Variants in FLNC observed in about 807,000 individuals in gnomAD.
FLNC encodes filamin-C.
In FLNC, 91 loss-of-function variants were observed where a neutral mutation model predicts 254.3. That is an observed-to-expected ratio of 0.36 (90% CI 0.30 to 0.43). The LOEUF is 0.43. Ranked by LOEUF, FLNC falls within the 20% of genes least tolerant of loss-of-function variation. The pLI, the probability that FLNC is intolerant of heterozygous loss-of-function variation, is 1.00. For synonymous variants in FLNC, 1,430 were observed against 1,577.2 expected, an observed-to-expected ratio of 0.91 and a Z score of 2.21; for missense variants, 2,853 against 3,802.6, an observed-to-expected ratio of 0.75 and a Z score of 6.57.
In FLNC at chr7:128,852,744, G is replaced by A. The variant is rs1346364708; in HGVS notation, c.5996G>A (p.Arg1999Gln). The change falls in exon 36 of 48, where the codon CGG becomes CAG. Residue 1999 changes from arginine to glutamine, a missense_variant. Transcript: ENST00000325888. Reference sequence around the variant, plus strand: ...TGCCTGCTGAAGCGCCTGCCCAACCGGCACATTGGTGAGCGTGGGGCCTCA... The same window carrying A: ...TGCCTGCTGAAGCGCCTGCCCAACCAGCACATTGGTGAGCGTGGGGCCTCA... Reference protein sequence around the residue: ...EPCLLKRLPNRHIGISFTPKE... With the variant: ...EPCLLKRLPNQHIGISFTPKE... 1.9e-5 allele frequency: 30 copies of A among 1,612,960 alleles called. No homozygotes were observed. Among genetic ancestry groups the A allele is most frequent in the Non-Finnish European group, 2.5e-5 (29 of 1,179,664 alleles).
Position 128,843,210 on chromosome 7 carries a change from G to A in FLNC, c.2551-19G>A. 6.4e-7 allele frequency: 1 copy of A among 1,574,086 alleles called. No individual in the cohort carries two copies. Among genetic ancestry groups the A allele is most frequent in the African/African-American group, 1.3e-5 (1 of 74,192 alleles). On this transcript the variant is annotated intron_variant, in intron 16 of 47. Coordinates refer to ENST00000325888, the MANE Select transcript of FLNC (RefSeq NM_001458.5). ...TGTGTTCCCCTCGAGAGCCCTGACT[G>A]AGCCTCCTCCACATCCAGGAGATCC...
At position 128,830,480 on chromosome 7, in the gene FLNC, G is replaced by A. The variant is rs1255307022; in HGVS notation, c.-158G>A. On this transcript the variant is annotated 5_prime_UTR_variant, in exon 1 of 48. Transcript: ENST00000325888. ...CGGCCGAGCGCCTAGGAGGCCCGCC[G>A]AGCCTCGCCGAGCCCCGCCAGCCCC... 3.1e-6 allele frequency: 2 copies of A among 651,678 alleles called. No individual in the cohort carries two copies. The highest frequency in any genetic ancestry group is 5.8e-5 in the Admixed American group (2 of 34,768). 40.4% of individuals were successfully genotyped at this position (651,678 alleles called of 1,614,324 possible).
chr7:128,852,475 A>T, intron 35 of FLNC, 116 bp from the exon 36 acceptor site: 3 of 1,192,078 alleles, frequency 2.5e-6, no homozygotes, highest in Non-Finnish European at 3.7e-6. Flanking sequence ...TGCACCTGGG[A>T]GTGGCCCCCC....
In FLNC at chr7:128,858,452, G is replaced by A; in HGVS notation, c.8107G>A (p.Asp2703Asn). 1.2e-6 allele frequency: 2 copies of A among 1,613,788 alleles called. No individual in the cohort carries two copies. The highest frequency in any genetic ancestry group is 1.7e-6 in the Non-Finnish European group (2 of 1,179,908). The change falls in exon 48 of 48, where the codon GAC becomes AAC. Residue 2703 changes from aspartate (D) to asparagine (N), a missense_variant. By Grantham distance (23) the Asp-to-Asn change is conservative (BLOSUM62 1). Around this residue, in one of 10 missense-constraint regions of FLNC, gnomAD observed 197 missense variants for 351.5 expected, o/e 0.56. Transcript: ENST00000325888. The surrounding 1 kb of genome is among the most constrained non-coding windows in gnomAD (Gnocchi z 6.7). ...CACCTACACTGTCAAGGAGAAAGGGGACTACATCCTCATTGTCAAGTGGGG... is the reference window on the plus strand; with the variant it reads ...CACCTACACTGTCAAGGAGAAAGGGAACTACATCCTCATTGTCAAGTGGGG... ...NVTYTVKEKG[D>N]YILIVKWGDE...
In FLNC at chr7:128,841,505, C is replaced by T. The variant is rs1171609113; in HGVS notation, c.2059C>T (p.Pro687Ser). ...GCCTACCGGCTGCATCGTGGACAAG[C>T]CCGCTGAGTTCACCATTGATGCTCG... ...LEPTGCIVDKPAEFTIDARAA... is the reference protein window; with the variant it reads ...LEPTGCIVDKSAEFTIDARAA... The change falls in exon 13 of 48, where the codon CCC becomes TCC. Residue 687 changes from proline (P) to serine (S), a missense_variant. Physicochemically the swap from Pro to Ser is moderately conservative, Grantham distance 74. Transcript: ENST00000325888. The surrounding 1 kb of genome is among the most constrained non-coding windows in gnomAD (Gnocchi z 4.3). 1.9e-6 allele frequency: 3 copies of T among 1,614,074 alleles called. No individual in the cohort carries two copies. Among genetic ancestry groups the T allele is most frequent in the East Asian group, 4.5e-5 (2 of 44,900 alleles).
chr7:128,852,915 T>C lies in FLNC; in HGVS notation c.6092T>C (p.Ile2031Thr), dbSNP rs1808883551. The change falls in exon 37 of 48, where the codon ATC becomes ACC. Residue 2031 changes from isoleucine (I) to threonine (T), a missense_variant. Transcript: ENST00000325888. ...GKHVTNSPFK[I>T]LVGPSEIGDA... ...CATGTCACCAACAGCCCCTTCAAGA[T>C]CCTGGTGGGGCCATCTGAGATCGGG... The C allele has an allele frequency of 6.2e-7, 1 of 1,613,470 alleles. No homozygotes were observed. The highest frequency in any genetic ancestry group is 1.3e-5 in the African/African-American group (1 of 74,884).
chr7:128,850,336 C>T, intron 31 of FLNC, 48 bp from the exon 32 acceptor site: 1 of 1,491,696 alleles, frequency 6.7e-7, no homozygotes, highest in East Asian at 2.3e-5. Context: ...ATGGGTCAAA[C>T]TCCTGGGCCT....
In FLNC at chr7:128,855,224, C is replaced by T; in HGVS notation, c.7161C>T (p.Phe2387=). 1 of 1,613,070 alleles carries T rather than the reference C, an allele frequency of 6.2e-7. No individual in the cohort carries two copies. The highest frequency in any genetic ancestry group is 1.1e-5 in the South Asian group (1 of 91,048). Residue 2387 remains phenylalanine, a synonymous_variant, in exon 43 of 48, where the codon TTC becomes TTT. Coordinates refer to ENST00000325888, the MANE Select transcript of FLNC (RefSeq NM_001458.5). ...GTGACTATGAGGTCTCCATCAAGTT[C>T]AATGATGAGCACATCCCAGACAGCC... ...EPGDYEVSIK[F]NDEHIPDSPF...
At chr7:128,848,523 GCCA>G in intron 26 of FLNC, 35 bp from the exon 27 acceptor site, 1 of 1,608,662 alleles carries the variant, frequency 6.2e-7, no homozygotes, top group South Asian at 1.1e-5. Context: ...CCCCGTCCAT[GCCA>G]CCCAGCCAAC....
At position 128,853,486 on chromosome 7, in the gene FLNC, C is replaced by T. The variant is rs756921919; in HGVS notation, c.6226C>T (p.Leu2076=). ...TCCCCCAGGTTATGGGGGCTTGGGGCTGAGTATTGAAGGCCCAAGCAAGGT... is the reference window on the plus strand; with the variant it reads ...TCCCCCAGGTTATGGGGGCTTGGGGTTGAGTATTGAAGGCCCAAGCAAGGT... ...TRNAGYGGLG[L]SIEGPSKVDI... Residue 2076 remains leucine, a synonymous_variant, in exon 38 of 48, where the codon CTG becomes TTG. Coordinates refer to ENST00000325888, the MANE Select transcript of FLNC (RefSeq NM_001458.5). 150 of 1,613,874 alleles carry T rather than the reference C, an allele frequency of 9.3e-5. No homozygotes were observed. The highest frequency in any genetic ancestry group is 1.2e-4 in the Non-Finnish European group (136 of 1,180,020).
intron 22 of FLNC, 54 bp downstream of exon 22, chr7:128,846,217 G>A (rs1216858745): frequency 1.2e-5 from 19 of 1,612,434 alleles, no homozygotes; most frequent in African/African-American, 8.0e-5. Flanking sequence ...GGGCAGGGCC[G>A]GGATCTGATG....
chr7:128,850,756 G>T, intron 32 of FLNC, 47 bp from the exon 33 acceptor site: 1 of 1,612,816 alleles, frequency 6.2e-7, no homozygotes, highest in Non-Finnish European at 8.5e-7. Flanking sequence ...CAGGGAGGTT[G>T]CAGTGGGGGA....
Position 128,838,071 on chromosome 7 carries a change from C to G in FLNC, c.1047+7C>G. On this transcript the variant is annotated splice_region_variant and intron_variant, in intron 6 of 47. Transcript: ENST00000325888. The stretch of plus-strand genomic sequence containing the variant: ...GGTCGCTGGGTTACACAAGGTATCT[C>G]CCTCTAGGCCCCCCTGCCTGCGCTG... 6.2e-7 allele frequency: 1 copy of G among 1,609,596 alleles called. No individual in the cohort carries two copies. The highest frequency in any genetic ancestry group is 8.5e-7 in the Non-Finnish European group (1 of 1,176,142).
rs1011817473 is a variant in FLNC at position 128,849,502 on chromosome 7, C to T, written c.5123C>T (p.Ala1708Val). The change falls in exon 30 of 48, where the codon GCG becomes GTG. Residue 1708 changes from alanine (A) to valine (V), a missense_variant. Ala to Val is a moderately conservative substitution (Grantham distance 64). Transcript: ENST00000325888. ...GGTACCTTTGACATCTACTACACAG[C>T]GCCCGAGCCGGGCAAGTACGTCATC... Reference protein sequence around the residue: ...HDGTFDIYYTAPEPGKYVITI... With the variant: ...HDGTFDIYYTVPEPGKYVITI... 1.1e-5 allele frequency: 18 copies of T among 1,614,076 alleles called. No individual in the cohort carries two copies. The highest frequency in any genetic ancestry group is 5.5e-5 in the South Asian group (5 of 91,096).
Position 128,844,690 on chromosome 7 carries a change from A to G in FLNC, c.3225A>G (p.Gly1075=). ...VCAYGPGLKG[G]LVGTPAPFSI... is the part of the protein sequence containing the mutation. ...CTTATGGCCCGGGTCTCAAGGGTGG[A>G]CTGGTAGGCACCCCCGCGCCATTCT... The change falls in exon 21 of 48, where the codon GGA becomes GGG. Residue 1075 remains glycine, a synonymous_variant. Coordinates refer to ENST00000325888, the MANE Select transcript of FLNC (RefSeq NM_001458.5). 6.2e-7 allele frequency: 1 copy of G among 1,613,306 alleles called. No individual in the cohort carries two copies. The highest frequency in any genetic ancestry group is 1.1e-5 in the South Asian group (1 of 91,078).
At chr7:128,838,119 C>T in intron 6 of FLNC, 55 bp downstream of exon 6, 1 of 1,531,230 alleles carries the variant, frequency 6.5e-7, no homozygotes, top group Non-Finnish European at 9.0e-7. Context: ...TTGGTTCCGG[C>T]TGCATGGACC....
intron 35 of FLNC, 92 bp downstream of exon 35, chr7:128,851,720 GT>G (rs1219293137): frequency 2.2e-6 from 3 of 1,347,938 alleles, no homozygotes; most frequent in Non-Finnish European, 3.2e-6. Flanking sequence ...CAAGTCACTC[GT>G]GACATTAGGG....
Position 128,856,617 on chromosome 7 carries a change from G to A in FLNC, c.7351G>A (p.Val2451Met). Residue 2451 changes from valine (V) to methionine (M), a missense_variant, in exon 44 of 48, where the codon GTG (valine) becomes ATG (methionine). By Grantham distance (21) the Val-to-Met change is conservative (BLOSUM62 1). Around this residue, in one of 10 missense-constraint regions of FLNC, gnomAD observed 47 missense variants for 40.3 expected, o/e 1.17. Transcript: ENST00000325888. This position sits in a 1 kb window ranked among gnomAD's most constrained non-coding sequence, Gnocchi z 5.9. ...CCGGGTGCACACACCCTCGGGGGCT[G>A]TGGAGGAGTGCTACGTCTCTGAGCT... ...DARVHTPSGA[V>M]EECYVSELDS... The A allele has an allele frequency of 6.2e-7, 1 of 1,612,784 alleles. No homozygotes were observed. Among genetic ancestry groups the A allele is most frequent in the Non-Finnish European group, 8.5e-7 (1 of 1,180,002 alleles).
In FLNC at chr7:128,854,839, TAGCAA is replaced by T. The variant is rs1390124010; in HGVS notation, c.7066_7070del (p.Lys2356GlyfsTer5). 1 of 1,614,036 alleles carries T rather than the reference TAGCAA, an allele frequency of 6.2e-7. No homozygotes were observed. The highest frequency in any genetic ancestry group is 8.5e-7 in the Non-Finnish European group (1 of 1,179,978). On this transcript the variant is annotated frameshift_variant, in exon 42 of 48. Transcript: ENST00000325888. LOFTEE classifies it high-confidence loss of function. ...GCCTGTCCATTGCTGTGGAGGGTCC[TAGCAA>T]AGCGGAGATTGCATTTGAGGATCGC...
Sources: gnomAD v4.1 joint callset for allele counts on GRCh38, gnomAD v4.1.1 for gene constraint, gnomAD v4.1.1 regional missense constraint, Gnocchi (gnomAD v3.1) non-coding constraint, MANE v1.5 for transcripts, NCBI Gene and HGNC (gene_info 2026-07-23, HGNC 2026-07-21) for gene names.